The following RBFOX1 variants were observed in gnomAD, a reference collection of about 807,000 sequenced individuals.
RBFOX1 encodes RNA binding fox-1 homolog 1, also known as RNA binding protein fox-1 homolog 1.
Under a neutral mutation model 57.7 loss-of-function variants are expected in RBFOX1, and 8 were observed. The observed-to-expected ratio is 0.14, with a 90% CI of 0.08 to 0.25. The LOEUF is 0.25. Among genes scored for constraint, RBFOX1 ranks in the 10% least tolerant of loss-of-function variants. The pLI, the probability that RBFOX1 is intolerant of heterozygous loss-of-function variation, is 1.00. For synonymous variants in RBFOX1, 326 were observed against 222.4 expected (o/e 1.47, Z -4.15); for missense variants, 611 against 548.5 (o/e 1.11, Z -1.14).
At chr16:5,895,703 T>C (rs909140662) in intron 4 of RBFOX1, among the ~76,000 whole-genome samples, 3 of 152,160 alleles carry the variant, frequency 2.0e-5, no homozygotes, top group African/African-American at 7.2e-5. Flanking sequence ...ATTTATAACA[T>C]AGGATCTAAG....
intron 3 of RBFOX1, among the ~76,000 whole-genome samples, chr16:6,779,554 T>C (rs1037742147): frequency 1.5e-4 from 22 of 149,762 alleles, no homozygotes; most frequent in African/African-American, 5.2e-4. Context: ...TGCTAAATTA[T>C]GTTAGTGTTA....
intron 1 of RBFOX1, among the ~76,000 whole-genome samples, chr16:6,064,704 C>T (rs1232441835): frequency 1.3e-5 from 2 of 152,044 alleles, no homozygotes; most frequent in African/African-American, 2.4e-5. Context: ...CCACACCCAG[C>T]TAATTTTTTG....
At chr16:7,438,746 A>T (rs569677644) in intron 4 of RBFOX1, among the ~76,000 whole-genome samples, 1 of 152,276 alleles carries the variant, frequency 6.6e-6, no homozygotes, top group Non-Finnish European at 1.5e-5. Context: ...GCTATGGTTC[A>T]TTCTCCCTTT....
At chr16:7,504,773 A>ATATATATATTTATATATATATATATT (rs2072557994) in intron 4 of RBFOX1, among the ~76,000 whole-genome samples, 1 of 9,406 alleles carries the variant, frequency 1.1e-4, no homozygotes, top group South Asian at 4.5e-3. Context: ...ATATATATTT[A>ATATATATATTTATATATATATATATT]TATATATATA....
intron 1 of RBFOX1, among the ~76,000 whole-genome samples, chr16:6,155,382 C>G (rs2152732763): frequency 6.6e-6 from 1 of 152,300 alleles, no homozygotes; most frequent in Non-Finnish European, 1.5e-5. Context: ...GATTTAGAAA[C>G]AGAGTGAGAC....
At chr16:7,204,142 T>C (rs74010768) in intron 4 of RBFOX1, among the ~76,000 whole-genome samples, 17,542 of 152,298 alleles carry the variant, frequency 0.12, 1,184 homozygotes, top group African/African-American at 0.16. Flanking sequence ...TATCTGCAGA[T>C]ACCTGCCAGA....
At chr16:7,218,358 C>T (rs2092421637) in intron 4 of RBFOX1, among the ~76,000 whole-genome samples, 1 of 152,100 alleles carries the variant, frequency 6.6e-6, no homozygotes, top group South Asian at 2.1e-4. Flanking sequence ...TCACCTTCTT[C>T]AGTATGCTTC....
upstream of RBFOX1, among the ~76,000 whole-genome samples, chr16:6,016,799 A>G (rs1366308947): frequency 1.3e-5 from 2 of 152,188 alleles, no homozygotes; most frequent in African/African-American, 2.4e-5. Flanking sequence ...GTGGCTCAAC[A>G]TGGAGAAATG....
intron 4 of RBFOX1, among the ~76,000 whole-genome samples, chr16:7,281,288 C>T (rs2095538688): frequency 6.6e-6 from 1 of 151,742 alleles, no homozygotes; most frequent in African/African-American, 2.4e-5. Context: ...CAGGCGTGAG[C>T]CACCGTGCCC....
At chr16:5,456,656 A>G (rs546116304) in intron 1 of RBFOX1, among the ~76,000 whole-genome samples, 1 of 152,242 alleles carries the variant, frequency 6.6e-6, no homozygotes, top group Non-Finnish European at 1.5e-5. Flanking sequence ...TATTTCTTGA[A>G]TCTGCCCATT....
At chr16:6,918,890 A>T (rs1028355463) in intron 3 of RBFOX1, among the ~76,000 whole-genome samples, 1 of 152,138 alleles carries the variant, frequency 6.6e-6, no homozygotes, top group African/African-American at 2.4e-5. Flanking sequence ...TGGAGGAGAA[A>T]GTGGGGGTGG....
chr16:5,837,656 G>A (rs1333741430), intron 3 of RBFOX1, among the ~76,000 whole-genome samples: 1 of 151,542 alleles, frequency 6.6e-6, no homozygotes. Flanking sequence ...TGCGGGTACA[G>A]GCAACAGAAC....
rs150258171 is a variant in RBFOX1 at position 6,033,947 on chromosome 16, C to T, written c.-127+13955C>T. Among the ~76,000 whole-genome samples the T allele has an allele frequency of 8.8e-4, 134 of 152,244 alleles. 1 individual carries two copies. The highest frequency in any genetic ancestry group is 1.3e-3 in the Non-Finnish European group (90 of 68,024). On this transcript the variant is annotated intron_variant, in intron 1 of 15. Coordinates refer to ENST00000550418, the MANE Select transcript of RBFOX1 (RefSeq NM_018723.4). ...GGTGATTCTGGTCTGACTTGGCTAC[C>T]GTGATGACTGTCATGAATTATGTCC...
chr16:6,402,141 G>T (rs2093097633), intron 2 of RBFOX1, among the ~76,000 whole-genome samples: 1 of 151,038 alleles, frequency 6.6e-6, no homozygotes, highest in South Asian at 2.1e-4. Context: ...CCAAAAAAAT[G>T]CTAAGCATGC....
chr16:7,192,920 A>G (rs886303234), intron 4 of RBFOX1, among the ~76,000 whole-genome samples: 4 of 152,342 alleles, frequency 2.6e-5, no homozygotes, highest in Admixed American at 1.3e-4. Flanking sequence ...TCTGAGAACA[A>G]TGTAAAAAGC....
chr16:5,996,811 T>C (rs1397945105), intron 4 of RBFOX1, among the ~76,000 whole-genome samples: 1 of 152,154 alleles, frequency 6.6e-6, no homozygotes, highest in Non-Finnish European at 1.5e-5. Context: ...CCATCTCTGC[T>C]AGTGCTCTCC....
At chr16:6,218,156 G>T (rs930160401) in intron 1 of RBFOX1, among the ~76,000 whole-genome samples, 1 of 152,104 alleles carries the variant, frequency 6.6e-6, no homozygotes, top group Admixed American at 6.6e-5. Context: ...ATCATTTGTT[G>T]AGCCCACGTG....
intron 1 of RBFOX1, among the ~76,000 whole-genome samples, chr16:6,134,513 C>T (rs1009420590): frequency 3.9e-5 from 6 of 152,110 alleles, no homozygotes; most frequent in Non-Finnish European, 5.9e-5. Flanking sequence ...CCTGTGAGCT[C>T]GGGGAAACCT....
At chr16:7,068,228 C>G (rs760608977) in intron 4 of RBFOX1, among the ~76,000 whole-genome samples, 2 of 152,108 alleles carry the variant, frequency 1.3e-5, no homozygotes, top group Non-Finnish European at 2.9e-5. Context: ...TAAGATCAGC[C>G]AGCCAAGATT....
Sources: allele counts gnomAD v4.1 joint callset (sites outside exome capture counted in the v4.1 genomes callset), GRCh38; gene constraint gnomAD v4.1.1; transcripts MANE v1.5; gene names NCBI Gene and HGNC (gene_info 2026-07-23, HGNC 2026-07-21).